Variants in GRIK3 observed in about 807,000 individuals in gnomAD.
GRIK3 encodes glutamate receptor ionotropic, kainate 3.
Under a neutral mutation model 102.5 loss-of-function variants are expected in GRIK3, and 29 were observed. The observed-to-expected ratio is 0.28, with a 90% CI of 0.21 to 0.39. The LOEUF (loss-of-function observed/expected upper bound fraction) is 0.39. Ranked by LOEUF, GRIK3 falls within the 10% of genes least tolerant of loss-of-function variation. The pLI is 1.00. For missense variants in GRIK3, 908 were observed against 1,252.4 expected (o/e 0.73, Z 4.15); for synonymous variants, 511 against 504.9 (o/e 1.01, Z -0.16).
At chr1:36,964,634 T>C (rs566762851) in intron 1 of GRIK3, among the ~76,000 whole-genome samples, 43 of 152,230 alleles carry the variant, frequency 2.8e-4, no homozygotes, top group Middle Eastern at 3.4e-3. Flanking sequence ...GATAAGAAAA[T>C]GGAGGCTCAG....
intron 1 of GRIK3, among the ~76,000 whole-genome samples, chr1:37,007,543 T>A (rs2124046713): frequency 6.6e-6 from 1 of 152,206 alleles, no homozygotes; most frequent in South Asian, 2.1e-4. Flanking sequence ...TGATGCATGG[T>A]GGCATTCGGG....
chr1:36,960,031 G>A (rs1351792234), intron 1 of GRIK3, among the ~76,000 whole-genome samples: 7 of 107,596 alleles, frequency 6.5e-5, no homozygotes, highest in South Asian at 7.1e-4. Flanking sequence ...TGTGTGCCCC[G>A]CGAGTCTGTG....
intron 1 of GRIK3, among the ~76,000 whole-genome samples, chr1:36,921,259 C>A (rs994429722): frequency 6.6e-6 from 1 of 152,214 alleles, no homozygotes; most frequent in Non-Finnish European, 1.5e-5. Context: ...GGTGGAGAGG[C>A]CAACCAAGTA....
At chr1:36,866,920 T>A (rs1481114649) in intron 5 of GRIK3, among the ~76,000 whole-genome samples, 1 of 152,222 alleles carries the variant, frequency 6.6e-6, no homozygotes, top group African/African-American at 2.4e-5. Context: ...ATGTGCCAGC[T>A]TCTATGTGGG....
chr1:36,961,554 C>T (rs1642009619), intron 1 of GRIK3, among the ~76,000 whole-genome samples: 1 of 152,214 alleles, frequency 6.6e-6, no homozygotes, highest in African/African-American at 2.4e-5. Context: ...CCAGGCACAG[C>T]CCTGGGGGAG....
chr1:36,985,680 C>T (rs528068475), intron 1 of GRIK3, among the ~76,000 whole-genome samples: 1 of 152,296 alleles, frequency 6.6e-6, no homozygotes, highest in Admixed American at 6.5e-5. Flanking sequence ...CCGGACCTTC[C>T]TCCTATACAA....
chr1:37,014,933 GTCTCTCTCTCTC>G (rs56296966), intron 1 of GRIK3, among the ~76,000 whole-genome samples: 19 of 139,710 alleles, frequency 1.4e-4, no homozygotes, highest in Non-Finnish European at 2.4e-4. Flanking sequence ...CTCTGTTTTT[GTCTCTCTCTCTC>G]TCTCTCTCTC....
At chr1:36,871,670 C>T (rs560316101) in intron 4 of GRIK3, among the ~76,000 whole-genome samples, 7 of 152,206 alleles carry the variant, frequency 4.6e-5, no homozygotes, top group African/African-American at 2.4e-5. Context: ...TTCTCCTCCC[C>T]CTCTGTCACT....
Position 36,891,098 on chromosome 1 carries a change from T to C in GRIK3, c.116-2A>G, listed in dbSNP as rs1409663773. The C allele has an allele frequency of 6.2e-7, 1 of 1,608,728 alleles. No individual in the cohort carries two copies. Among genetic ancestry groups the C allele is most frequent in the South Asian group, 1.1e-5 (1 of 90,074 alleles). ...CGTCCGCATACTCGAAGATTCCTCC[T>C]GTGAAAGATGAGTAAAATTGTGTGT... On this transcript the variant is annotated splice_acceptor_variant, in intron 1 of 15. Transcript: ENST00000373091. LOFTEE classifies it high-confidence loss of function.
intron 10 of GRIK3, among the ~76,000 whole-genome samples, chr1:36,838,191 C>T (rs1405499513): frequency 1.3e-5 from 2 of 152,172 alleles, no homozygotes; most frequent in African/African-American, 4.8e-5. Flanking sequence ...CCTACCAATG[C>T]CAGGCAGGAG....
intron 13 of GRIK3, among the ~76,000 whole-genome samples, chr1:36,810,492 C>T (rs373506909): frequency 2.0e-5 from 3 of 152,180 alleles, no homozygotes; most frequent in African/African-American, 7.2e-5. Flanking sequence ...TTCCAGCCTC[C>T]TCAAAGAAGC....
chr1:36,811,945 C>T (rs900584225), intron 13 of GRIK3, among the ~76,000 whole-genome samples: 2 of 152,186 alleles, frequency 1.3e-5, no homozygotes, highest in African/African-American at 2.4e-5. Context: ...TCATCCCAGA[C>T]TCAAATCCTG....
chr1:36,880,975 G>A lies in GRIK3; in HGVS notation c.293-84C>T. On this transcript the variant is annotated intron_variant, in intron 2 of 15. Transcript: ENST00000373091. This position sits in a 1 kb window ranked among gnomAD's most constrained non-coding sequence, Gnocchi z 5.4. ...GTGATGCTGATGATCCTGTAAACAT[G>A]TGGGAAAAACAGCAACTGGAACCCT... The A allele has an allele frequency of 6.9e-7, 1 of 1,443,428 alleles. No individual in the cohort carries two copies. Among genetic ancestry groups the A allele is most frequent in the Non-Finnish European group, 9.3e-7 (1 of 1,073,472 alleles). The allele number at this position is 1,443,428 out of a possible 1,614,324, so 89.4% of individuals were successfully genotyped here.
intron 1 of GRIK3, among the ~76,000 whole-genome samples, chr1:36,998,599 C>T (rs561418830): frequency 1.3e-5 from 2 of 152,360 alleles, no homozygotes; most frequent in South Asian, 4.1e-4. Context: ...ATGTGCCAAG[C>T]ACTGTGTTCA....
intron 7 of GRIK3, among the ~76,000 whole-genome samples, chr1:36,854,651 C>T (rs1271639998): frequency 4.6e-5 from 7 of 152,194 alleles, no homozygotes; most frequent in Admixed American, 3.3e-4. Context: ...ATGGAGTTGA[C>T]TAGTTGCAGC....
chr1:36,852,078 C>G (rs902520165), intron 8 of GRIK3, among the ~76,000 whole-genome samples: 1 of 152,144 alleles, frequency 6.6e-6, no homozygotes, highest in South Asian at 2.1e-4. Flanking sequence ...GCTGGAAGAT[C>G]GCTTGATGAG....
intron 1 of GRIK3, among the ~76,000 whole-genome samples, chr1:36,969,874 T>C (rs3753771): frequency 0.41 from 61,663 of 152,200 alleles, 16,344 homozygotes; most frequent in African/African-American, 0.76. Context: ...AGAACTCTAT[T>C]ATGTGATGTA....
intron 3 of GRIK3, among the ~76,000 whole-genome samples, chr1:36,879,891 C>T (rs979262387): frequency 6.6e-6 from 1 of 152,222 alleles, no homozygotes; most frequent in Non-Finnish European, 1.5e-5. Flanking sequence ...CGTCTGCAAG[C>T]TTGGCACTGG....
At chr1:36,991,008 T>G (rs1043659963) in intron 1 of GRIK3, among the ~76,000 whole-genome samples, 2 of 152,202 alleles carry the variant, frequency 1.3e-5, no homozygotes, top group Non-Finnish European at 2.9e-5. Context: ...TCCCCACAAC[T>G]GCTCCTTCCT....
Sources: allele counts gnomAD v4.1 joint callset (sites outside exome capture counted in the v4.1 genomes callset), GRCh38; gene constraint gnomAD v4.1.1; non-coding constraint Gnocchi (gnomAD v3.1); transcripts MANE v1.5; gene names NCBI Gene and HGNC (gene_info 2026-07-23, HGNC 2026-07-21).